Variants in AKAP3 observed in about 807,000 individuals in gnomAD.
AKAP3 encodes the protein A-kinase anchor protein 3.
In AKAP3, 27 loss-of-function variants were observed where a neutral mutation model predicts 57.2. The ratio of observed to expected loss-of-function variants is 0.47; its 90% CI spans 0.35 to 0.65. The LOEUF (loss-of-function observed/expected upper bound fraction) is 0.65, where lower values mean the gene tolerates loss of function less well. Ranked by LOEUF, AKAP3 falls within the 30% of genes least tolerant of loss-of-function variation. The pLI, the probability that AKAP3 is intolerant of heterozygous loss-of-function variation, is 0.01. For synonymous variants in AKAP3, 334 were observed against 392.3 expected, an observed-to-expected ratio of 0.85 and a Z score of 1.76; for missense variants, 959 against 1,040.0, an observed-to-expected ratio of 0.92 and a Z score of 1.07.
intron 2 of AKAP3, among the ~76,000 whole-genome samples, chr12:4,642,701 T>G (rs558553311): frequency 1.3e-5 from 2 of 152,330 alleles, no homozygotes; most frequent in Non-Finnish European, 2.9e-5. Flanking sequence ...ATGTGTACAT[T>G]CTATCTAGTA....
At chr12:4,621,753 G>T (rs1488222203) in intron 5 of AKAP3, among the ~76,000 whole-genome samples, 2 of 152,034 alleles carry the variant, frequency 1.3e-5, no homozygotes, top group Admixed American at 1.3e-4. Flanking sequence ...TGCATGAGTG[G>T]ACTAGAAAAA....
At chr12:4,635,584 A>C in intron 4 of AKAP3, 1 of 717,970 alleles carries the variant, frequency 1.4e-6, no homozygotes, top group Middle Eastern at 2.5e-4. Flanking sequence ...TTGCTAGGTC[A>C]GCCTTGTTTC....
chr12:4,639,391 T>TG (rs200312740), intron 3 of AKAP3, among the ~76,000 whole-genome samples: 3,464 of 152,228 alleles, frequency 0.023, 48 homozygotes, highest in Non-Finnish European at 0.027. Flanking sequence ...TTTTTTCTTT[T>TG]GGGGGGTGCA....
Position 4,627,995 on chromosome 12 carries a change from T to C in AKAP3, c.907A>G (p.Thr303Ala), listed in dbSNP as rs1349586721. ...VSDMMVSIMK[T>A]LKIQVKDTTI... ...GTGTCTTTCACTTGGATCTTCAGTG[T>C]CTTCATGATGGAGACCATCATATCA... Residue 303 changes from threonine (T) to alanine (A), a missense_variant, in exon 5 of 6, where the codon ACA becomes GCA. By Grantham distance (58) the Thr-to-Ala change is moderately conservative (BLOSUM62 0). Transcript: ENST00000228850. The C allele has an allele frequency of 6.2e-7, 1 of 1,614,016 alleles. No individual in the cohort carries two copies. Among genetic ancestry groups the C allele is most frequent in the East Asian group, 2.2e-5 (1 of 44,862 alleles).
In AKAP3 at chr12:4,628,237, T is replaced by C; in HGVS notation, c.665A>G (p.Glu222Gly). The C allele has an allele frequency of 6.2e-7, 1 of 1,614,160 alleles. No homozygotes were observed. Among genetic ancestry groups the C allele is most frequent in the East Asian group, 2.2e-5 (1 of 44,880 alleles). Residue 222 changes from glutamate (E) to glycine (G), a missense_variant, in exon 5 of 6, where the codon GAG (glutamate) becomes GGG (glycine). Glu to Gly is a moderately conservative substitution (Grantham distance 98). Transcript: ENST00000228850. ...LKYKSTLKIK[E>G]STKERQGPDD... ...TGGACCCTGTCTTTCTTTGGTGCTC[T>C]CCTTGATCTTCAAAGTGGACTTGTA...
Position 4,625,237 on chromosome 12 carries a change from C to A in AKAP3, c.2406+1259G>T, listed in dbSNP as rs1945398071. Among the ~76,000 whole-genome samples, 1 of 152,170 alleles carries A rather than the reference C, an allele frequency of 6.6e-6. No individual in the cohort carries two copies. Among genetic ancestry groups the A allele is most frequent in the Non-Finnish European group, 1.5e-5 (1 of 68,024 alleles). ...TAACTTGAATGTGCACACAACTCAC[C>A]TGGGTATTTTGCTAAGATGAAGATT... is the stretch of plus-strand genomic sequence containing the variant. On this transcript the variant is annotated intron_variant, in intron 5 of 5. Transcript: ENST00000228850. The surrounding 1 kb of genome is among the most constrained non-coding windows in gnomAD (Gnocchi z 5.4).
intron 2 of AKAP3, among the ~76,000 whole-genome samples, chr12:4,642,341 A>C (rs1945647445): frequency 6.6e-6 from 1 of 152,218 alleles, no homozygotes; most frequent in Admixed American, 6.5e-5. Context: ...TTGGAAGAAA[A>C]ATAGCTGGAA....
chr12:4,647,290 CCT>C (rs1302584045), intron 1 of AKAP3, among the ~76,000 whole-genome samples: 5 of 151,854 alleles, frequency 3.3e-5, no homozygotes, highest in African/African-American at 1.2e-4. Context: ...TTTTATTTAC[CCT>C]GTTAGACAAG....
At chr12:4,639,924 C>G (rs1030322314) in intron 3 of AKAP3, among the ~76,000 whole-genome samples, 2 of 150,758 alleles carry the variant, frequency 1.3e-5, no homozygotes, top group African/African-American at 2.4e-5. Context: ...TCACGCCATT[C>G]TCCTGCCTCA....
intron 4 of AKAP3, among the ~76,000 whole-genome samples, chr12:4,630,213 T>A (rs1473194602): frequency 6.6e-6 from 1 of 152,244 alleles, no homozygotes; most frequent in Non-Finnish European, 1.5e-5. Flanking sequence ...TGTGAAGTAC[T>A]CGTAATGTTT....
Position 4,627,983 on chromosome 12 carries a change from G to T in AKAP3, c.919C>A (p.Gln307Lys). Residue 307 changes from glutamine to lysine, a missense_variant, in exon 5 of 6, where the codon CAA (glutamine) becomes AAA (lysine). By Grantham distance (53) the Gln-to-Lys change is moderately conservative (BLOSUM62 1). Coordinates refer to ENST00000228850, the MANE Select transcript of AKAP3 (RefSeq NM_001278309.2). The part of the protein sequence containing the change: ...MVSIMKTLKI[Q>K]VKDTTIATIL... ...GTGGCAATGGTTGTGTCTTTCACTT[G>T]GATCTTCAGTGTCTTCATGATGGAG... 2 of 1,613,962 alleles carry T rather than the reference G, an allele frequency of 1.2e-6. No homozygotes were observed. Among genetic ancestry groups the T allele is most frequent in the Non-Finnish European group, 1.7e-6 (2 of 1,179,962 alleles).
Position 4,638,092 on chromosome 12 carries a change from G to C in AKAP3, c.96+9C>G. Reference sequence around the variant, plus strand: ...TTAACCTAGTGTTTATCAAGAGGTTGACCCTTACCATTTTCCAGTCCTGGG... The same window carrying C: ...TTAACCTAGTGTTTATCAAGAGGTTCACCCTTACCATTTTCCAGTCCTGGG... On this transcript the variant is annotated intron_variant, in intron 4 of 5. Transcript: ENST00000228850. The C allele has an allele frequency of 6.3e-7, 1 of 1,597,248 alleles. No individual in the cohort carries two copies.
In AKAP3 at chr12:4,615,820, A is replaced by G; in HGVS notation, c.2481T>C (p.Tyr827=). 5 of 1,614,242 alleles carry G rather than the reference A, an allele frequency of 3.1e-6. No individual in the cohort carries two copies. Among genetic ancestry groups the G allele is most frequent in the Non-Finnish European group, 4.2e-6 (5 of 1,180,034 alleles). ...CCTCATTCAGCTGGCGCTCCTTCTCATAGCGCAGCACCGACTGCAGAACCT... is the reference window on the plus strand; with the variant it reads ...CCTCATTCAGCTGGCGCTCCTTCTCGTAGCGCAGCACCGACTGCAGAACCT... ...VGEVLQSVLR[Y]EKERQLNEAV... Residue 827 remains tyrosine, a synonymous_variant, in exon 6 of 6, where the codon TAT becomes TAC. Coordinates refer to ENST00000228850, the MANE Select transcript of AKAP3 (RefSeq NM_001278309.2).
At position 4,635,357 on chromosome 12, in the gene AKAP3, C is replaced by T. The variant is rs190829533; in HGVS notation, c.96+2744G>A. The T allele has an allele frequency of 2.7e-5, 16 of 588,256 alleles. No individual in the cohort carries two copies. The African/African-American group carries it at 3.0e-4, about 11-fold the overall frequency. The allele number at this position is 588,256 out of a possible 1,614,324, so 36.4% of individuals were successfully genotyped here. ...AACTGGAGGTTGAGTTACTACAACA[C>T]TGACTCCTGTTTGGTTGTGTGGGTT... On this transcript the variant is annotated intron_variant, in intron 4 of 5. Coordinates refer to ENST00000228850, the MANE Select transcript of AKAP3 (RefSeq NM_001278309.2).
chr12:4,641,062 CTTTTTTTT>C (rs374817430), intron 3 of AKAP3, among the ~76,000 whole-genome samples: 6 of 68,698 alleles, frequency 8.7e-5, no homozygotes, highest in Admixed American at 4.4e-4. Context: ...TTCTAACTTC[CTTTTTTTT>C]TTTTTTTTTT....
At chr12:4,621,221 G>A (rs1260051698) in intron 5 of AKAP3, among the ~76,000 whole-genome samples, 2 of 5,930 alleles carry the variant, frequency 3.4e-4, no homozygotes, top group African/African-American at 3.9e-4. Flanking sequence ...GAGCCAAAAA[G>A]TTAAAAAAAA....
chr12:4,646,699 C>T (rs1263238112), intron 1 of AKAP3, among the ~76,000 whole-genome samples: 1 of 151,802 alleles, frequency 6.6e-6, no homozygotes, highest in Non-Finnish European at 1.5e-5. Context: ...CATTGATGAT[C>T]TTTTATATTG....
intron 2 of AKAP3, among the ~76,000 whole-genome samples, chr12:4,643,073 A>G (rs1393960219): frequency 6.6e-6 from 1 of 152,258 alleles, no homozygotes; most frequent in Non-Finnish European, 1.5e-5. Flanking sequence ...CACTAGTACA[A>G]ATAAATCAAC....
intron 1 of AKAP3, among the ~76,000 whole-genome samples, chr12:4,647,501 C>T (rs1438353622): frequency 6.6e-6 from 1 of 150,736 alleles, no homozygotes; most frequent in African/African-American, 2.4e-5. Flanking sequence ...AGTAAGACCC[C>T]ATCTCTGAAA....
Sources: gnomAD v4.1 joint callset for allele counts (sites outside exome capture counted in the v4.1 genomes callset) on GRCh38, gnomAD v4.1.1 for gene constraint, Gnocchi (gnomAD v3.1) non-coding constraint, MANE v1.5 for transcripts, NCBI Gene and HGNC (gene_info 2026-07-23, HGNC 2026-07-21) for gene names.